CTNND2: variants seen among roughly 807,000 people sequenced by gnomAD.
The protein encoded by CTNND2 is catenin delta 2.
In CTNND2, 22 loss-of-function variants were observed where a neutral mutation model predicts 144.4. The observed-to-expected ratio is 0.15, with a 90% confidence interval of 0.11 to 0.22. The LOEUF (loss-of-function observed/expected upper bound fraction) is 0.22, where lower values mean the gene tolerates loss of function less well. Ranked by LOEUF, CTNND2 falls within the 10% of genes least tolerant of loss-of-function variation. The pLI is 1.00. For missense variants in CTNND2, 1,353 were observed against 1,618.8 expected, an observed-to-expected ratio of 0.84 and a Z score of 2.82; for synonymous variants, 751 against 695.6, an observed-to-expected ratio of 1.08 and a Z score of -1.25.
intron 2 of CTNND2, among the ~76,000 whole-genome samples, chr5:11,661,063 T>C (rs914380051): frequency 3.9e-5 from 6 of 152,154 alleles, no homozygotes; most frequent in Admixed American, 3.3e-4. Flanking sequence ...AATAGGCCTC[T>C]TTCCATTTTT....
intron 6 of CTNND2, among the ~76,000 whole-genome samples, chr5:11,394,400 G>A (rs1449360332): frequency 6.6e-6 from 1 of 152,174 alleles, no homozygotes; most frequent in East Asian, 1.9e-4. Context: ...TGACCTGGAA[G>A]AAGAAGGGGT....
chr5:11,594,309 G>A (rs1779402747), intron 2 of CTNND2, among the ~76,000 whole-genome samples: 1 of 152,172 alleles, frequency 6.6e-6, no homozygotes, highest in African/African-American at 2.4e-5. Flanking sequence ...TTAGGCTGGT[G>A]CAAAAGTAAT....
chr5:11,277,546 A>ATTTT (rs1304155448), intron 9 of CTNND2, among the ~76,000 whole-genome samples: 5 of 132,784 alleles, frequency 3.8e-5, no homozygotes, highest in Non-Finnish European at 7.9e-5. Flanking sequence ...TTATTTATTT[A>ATTTT]TTTTTGAGAT....
chr5:11,824,117 T>C lies in CTNND2; in HGVS notation c.37+79700A>G, dbSNP rs558312761. Among the ~76,000 whole-genome samples the C allele has an allele frequency of 3.6e-5, 5 of 139,320 alleles. No homozygotes were observed. The South Asian group carries it at 6.8e-4, about 19-fold the overall frequency. 91.4% of individuals were successfully genotyped at this position (139,320 alleles called of 152,430 possible). A position where few individuals can be genotyped will look rare whatever the true frequency, so the allele number is the denominator to read the frequency against. On this transcript the variant is annotated intron_variant, in intron 1 of 21. Coordinates refer to ENST00000304623, the MANE Select transcript of CTNND2 (RefSeq NM_001332.4). ...TCAAAAAAAAAAAAAAAAAAAACCA[T>C]GGTGAAACTCAATTTAAATACTGAT...
intron 3 of CTNND2, among the ~76,000 whole-genome samples, chr5:11,553,717 T>C (rs1482081848): frequency 6.6e-6 from 1 of 152,076 alleles, no homozygotes; most frequent in Non-Finnish European, 1.5e-5. Flanking sequence ...GAAGAGAAAA[T>C]ATAAAGAATT....
Position 11,868,225 on chromosome 5 carries a change from G to A in CTNND2, c.37+35592C>T, listed in dbSNP as rs536703388. Among the ~76,000 whole-genome samples the A allele has an allele frequency of 3.4e-4, 51 of 152,142 alleles. No individual in the cohort carries two copies. In the South Asian group the frequency reaches 8.7e-3, roughly 26 times the overall value. ...CACACTAGCCCCAACTAAGACCTGC[G>A]GCTGGACTCCTGCCTCTGCTCTGTC... On this transcript the variant is annotated intron_variant, in intron 1 of 21. Coordinates refer to ENST00000304623, the MANE Select transcript of CTNND2 (RefSeq NM_001332.4).
intron 9 of CTNND2, among the ~76,000 whole-genome samples, chr5:11,276,060 G>A (rs1253316681): frequency 2.0e-5 from 3 of 152,168 alleles, no homozygotes; most frequent in African/African-American, 7.2e-5. Context: ...CACAAATAAT[G>A]ATGTATTGAT....
intron 12 of CTNND2, 110 bp downstream of exon 12, chr5:11,159,466 G>T: frequency 2.3e-6 from 2 of 887,274 alleles, no homozygotes; most frequent in Non-Finnish European, 3.3e-6. Context: ...CAACATTCAT[G>T]TTTTCAGAAT....
chr5:11,536,730 G>A (rs764280871), intron 3 of CTNND2, among the ~76,000 whole-genome samples: 3 of 151,972 alleles, frequency 2.0e-5, no homozygotes, highest in Non-Finnish European at 4.4e-5. Context: ...CAGAAGAAAG[G>A]GTGGGAGGGG....
At chr5:11,506,846 T>C (rs1400625689) in intron 3 of CTNND2, among the ~76,000 whole-genome samples, 2 of 152,226 alleles carry the variant, frequency 1.3e-5, no homozygotes, top group Admixed American at 6.5e-5. Context: ...TGTCCAAAAC[T>C]TAATCCATTA....
intron 2 of CTNND2, among the ~76,000 whole-genome samples, chr5:11,570,303 C>A (rs1777458957): frequency 6.6e-6 from 1 of 152,144 alleles, no homozygotes; most frequent in Non-Finnish European, 1.5e-5. Context: ...GGGAGATTTC[C>A]TTTGTCCCTC....
intron 10 of CTNND2, among the ~76,000 whole-genome samples, chr5:11,200,156 G>C (rs541946807): frequency 5.8e-4 from 89 of 152,282 alleles, no homozygotes; most frequent in African/African-American, 1.1e-3. Context: ...TTGACACAAG[G>C]AGTTTTATCT....
At chr5:11,673,470 A>T (rs1784013967) in intron 2 of CTNND2, among the ~76,000 whole-genome samples, 1 of 152,150 alleles carries the variant, frequency 6.6e-6, no homozygotes, top group African/African-American at 2.4e-5. Flanking sequence ...TTAAGCAAAG[A>T]CTTATCTGAA....
At chr5:11,546,364 G>A (rs994081536) in intron 3 of CTNND2, among the ~76,000 whole-genome samples, 1 of 151,556 alleles carries the variant, frequency 6.6e-6, no homozygotes, top group African/African-American at 2.4e-5. Context: ...AAATAAAAAA[G>A]GTTGTCTGCT....
intron 9 of CTNND2, among the ~76,000 whole-genome samples, chr5:11,316,469 TTATTA>T (rs1407026583): frequency 8.6e-4 from 6 of 6,938 alleles, no homozygotes; most frequent in Admixed American, 3.3e-3. Context: ...CCACTATTTT[TTATTA>T]TTATTATTAT....
intron 1 of CTNND2, among the ~76,000 whole-genome samples, chr5:11,891,075 T>C (rs1340528593): frequency 6.6e-6 from 1 of 152,136 alleles, no homozygotes; most frequent in Non-Finnish European, 1.5e-5. Context: ...CTCTTAACAC[T>C]GAAGGTGACA....
intron 9 of CTNND2, among the ~76,000 whole-genome samples, chr5:11,279,851 A>C (rs1017012875): frequency 6.6e-6 from 1 of 152,136 alleles, no homozygotes; most frequent in Non-Finnish European, 1.5e-5. Flanking sequence ...GATGCCACAT[A>C]GTTTTAAATG....
chr5:11,847,587 G>A (rs995037664), intron 1 of CTNND2, among the ~76,000 whole-genome samples: 1 of 152,000 alleles, frequency 6.6e-6, no homozygotes, highest in African/African-American at 2.4e-5. Flanking sequence ...ACCACAGCAA[G>A]TAACAATGTA....
chr5:11,053,812 T>A, intron 16 of CTNND2, among the ~76,000 whole-genome samples: 1 of 152,218 alleles, frequency 6.6e-6, no homozygotes, highest in East Asian at 1.9e-4. Flanking sequence ...GATTCCAGCT[T>A]CTGTGTGGTT....
Sources: gnomAD v4.1 joint callset for allele counts (sites outside exome capture counted in the v4.1 genomes callset) on GRCh38, gnomAD v4.1.1 for gene constraint, MANE v1.5 for transcripts, NCBI Gene and HGNC (gene_info 2026-07-23, HGNC 2026-07-21) for gene names.